The following PDS5A variants were observed in gnomAD, a reference collection of about 807,000 sequenced individuals.
The protein encoded by PDS5A is sister chromatid cohesion protein PDS5 homolog A.
A neutral mutation model predicts 167.1 loss-of-function variants in PDS5A; 42 were observed. The observed-to-expected ratio is 0.25, with a 90% CI of 0.20 to 0.33. PDS5A has a LOEUF of 0.33. Ranked by LOEUF, PDS5A falls within the 10% of genes least tolerant of loss-of-function variation. The pLI is 1.00. For synonymous variants in PDS5A, 553 were observed against 554.6 expected, an observed-to-expected ratio of 1.00 and a Z score of 0.04; for missense variants, 1,033 against 1,605.9, an observed-to-expected ratio of 0.64 and a Z score of 6.10.
intron 4 of PDS5A, among the ~76,000 whole-genome samples, chr4:39,926,481 G>A (rs1336051997): frequency 1.4e-5 from 2 of 147,748 alleles, no homozygotes; most frequent in African/African-American, 5.0e-5. Flanking sequence ...TCACGCCATT[G>A]CACTCCAGTC....
intron 2 of PDS5A, among the ~76,000 whole-genome samples, chr4:39,930,246 A>AAAAAAAAAAAAAAAATTTT: frequency 1.1e-5 from 1 of 93,086 alleles, no homozygotes; most frequent in Non-Finnish European, 2.2e-5. Context: ...AAAAAAAAAA[A>AAAAAAAAAAAAAAAATTTT]GTTTTTTTGT....
chr4:39,824,805 T>A lies in PDS5A; in HGVS notation c.*680A>T, dbSNP rs1412834909. The stretch of plus-strand genomic sequence containing the variant: ...AATCAAAATATGAACTGTTTACTAC[T>A]TGCAAATCAATAATTTTAATTTTCT... On this transcript the variant is annotated 3_prime_UTR_variant, in exon 33 of 33. Transcript: ENST00000303538. The A allele has an allele frequency of 2.6e-5, 4 of 152,666 alleles. No homozygotes were observed. The highest frequency in any genetic ancestry group is 9.6e-5 in the African/African-American group (4 of 41,470). The allele number at this position is 152,666 out of a possible 1,614,324, so 9.5% of individuals were successfully genotyped here.
intron 2 of PDS5A, among the ~76,000 whole-genome samples, chr4:39,939,034 A>T (rs1578784444): frequency 6.6e-6 from 1 of 152,188 alleles, no homozygotes; most frequent in Non-Finnish European, 1.5e-5. Context: ...AAGGAACCAT[A>T]TAGTATGATT....
At chr4:39,838,808 T>C (rs142462961) in intron 31 of PDS5A, among the ~76,000 whole-genome samples, 7 of 151,676 alleles carry the variant, frequency 4.6e-5, no homozygotes, top group South Asian at 2.1e-4. Flanking sequence ...TCACCTGAGG[T>C]TGGGAGTTCA....
chr4:39,950,949 G>A (rs962313742), intron 2 of PDS5A, among the ~76,000 whole-genome samples: 3 of 151,856 alleles, frequency 2.0e-5, no homozygotes, highest in Non-Finnish European at 4.4e-5. Flanking sequence ...TGTGGACCAG[G>A]CTGGAATACA....
intron 16 of PDS5A, among the ~76,000 whole-genome samples, chr4:39,897,482 T>A (rs1722514329): frequency 6.6e-6 from 1 of 152,082 alleles, no homozygotes; most frequent in African/African-American, 2.4e-5. Flanking sequence ...CACTACAACC[T>A]CCACCTCCCG....
intron 18 of PDS5A, 133 bp downstream of exon 18, chr4:39,879,595 T>C: frequency 1.9e-6 from 1 of 539,508 alleles, no homozygotes; most frequent in East Asian, 2.8e-5. Context: ...TTTTACATCA[T>C]CTAATTTCCA....
intron 2 of PDS5A, among the ~76,000 whole-genome samples, chr4:39,951,397 T>G (rs1728340301): frequency 6.6e-6 from 1 of 152,232 alleles, no homozygotes; most frequent in South Asian, 2.1e-4. Flanking sequence ...AATTGTGATG[T>G]GTCTCAAAAT....
At chr4:39,896,237 G>A (rs1170227354) in intron 16 of PDS5A, among the ~76,000 whole-genome samples, 2 of 150,932 alleles carry the variant, frequency 1.3e-5, no homozygotes, top group East Asian at 1.9e-4. Flanking sequence ...TAGAGGCGGG[G>A]GTTTTGATAT....
chr4:39,881,976 C>T (rs966885903), intron 17 of PDS5A, among the ~76,000 whole-genome samples: 1 of 152,160 alleles, frequency 6.6e-6, no homozygotes. Context: ...TGCACATACT[C>T]TCTTGCCTGT....
intron 2 of PDS5A, among the ~76,000 whole-genome samples, chr4:39,957,402 A>T (rs948957146): frequency 6.6e-6 from 1 of 151,976 alleles, no homozygotes; most frequent in South Asian, 2.1e-4. Flanking sequence ...GTTGCTAGCC[A>T]CTCTTTAAAT....
chr4:39,867,033 C>T, intron 22 of PDS5A, 36 bp from the exon 23 acceptor site: 1 of 1,513,124 alleles, frequency 6.6e-7, no homozygotes, highest in East Asian at 2.3e-5. Context: ...AAGAAAGCAA[C>T]TTAAAATTCC....
chr4:39,832,482 T>C (rs1379625650), intron 32 of PDS5A, among the ~76,000 whole-genome samples: 1 of 152,002 alleles, frequency 6.6e-6, no homozygotes, highest in African/African-American at 2.4e-5. Context: ...GCTGAGATTA[T>C]AGGCATGAGC....
At chr4:39,895,642 T>C (rs1722339338) in intron 16 of PDS5A, among the ~76,000 whole-genome samples, 1 of 152,198 alleles carries the variant, frequency 6.6e-6, no homozygotes. Context: ...TTTAAACACT[T>C]TTTCTTTCTT....
At chr4:39,902,521 AAT>A in intron 12 of PDS5A, 61 bp from the exon 13 acceptor site, 2 of 816,264 alleles carry the variant, frequency 2.5e-6, no homozygotes, top group Non-Finnish European at 3.9e-6. Context: ...TTTAAGAAGC[AAT>A]TTTTTTTTTT....
chr4:39,948,394 T>A (rs1275839383), intron 2 of PDS5A, among the ~76,000 whole-genome samples: 1 of 139,244 alleles, frequency 7.2e-6, no homozygotes, highest in South Asian at 2.4e-4. Flanking sequence ...CTCGGCTCAC[T>A]GCATTACTGC....
At chr4:39,836,615 A>ATTTTTTTTTTTTTTTTTTTTTTTTTT (rs71645192) in intron 32 of PDS5A, among the ~76,000 whole-genome samples, 1 of 106,164 alleles carries the variant, frequency 9.4e-6, no homozygotes, top group Non-Finnish European at 1.8e-5. Context: ...ATTTTTTTCT[A>ATTTTTTTTTTTTTTTTTTTTTTTTTT]TTTTTTTTTT....
intron 17 of PDS5A, among the ~76,000 whole-genome samples, chr4:39,881,513 A>G (rs576673895): frequency 1.3e-5 from 2 of 152,326 alleles, no homozygotes; most frequent in African/African-American, 4.8e-5. Flanking sequence ...TAACATTAAA[A>G]AAACAAATTG....
At chr4:39,899,355 A>T (rs755329759) in intron 14 of PDS5A, among the ~76,000 whole-genome samples, 1 of 152,146 alleles carries the variant, frequency 6.6e-6, no homozygotes, top group Non-Finnish European at 1.5e-5. Flanking sequence ...TTTATACTAA[A>T]TTTGAATAAT....
Sources: allele counts gnomAD v4.1 joint callset (sites outside exome capture counted in the v4.1 genomes callset), GRCh38; gene constraint gnomAD v4.1.1; transcripts MANE v1.5; gene names NCBI Gene and HGNC (gene_info 2026-07-23, HGNC 2026-07-21).